LYN: variants seen among roughly 807,000 people sequenced by gnomAD.
The protein encoded by LYN is tyrosine-protein kinase Lyn.
A neutral mutation model predicts 65.0 loss-of-function variants in LYN; 12 were observed. The ratio of observed to expected loss-of-function variants is 0.18; its 90% CI spans 0.12 to 0.30. LYN has a LOEUF of 0.30. Ranked by LOEUF, LYN falls within the 10% of genes least tolerant of loss-of-function variation. The pLI, the probability that LYN is intolerant of heterozygous loss-of-function variation, is 1.00. For synonymous variants in LYN, 222 were observed against 221.2 expected (o/e 1.00, Z -0.03); for missense variants, 380 against 623.2 (o/e 0.61, Z 4.16).
In LYN at chr8:56,005,038, C is replaced by G. The variant is rs528212161; in HGVS notation, c.1337-4870C>G. Among the ~76,000 whole-genome samples the G allele has an allele frequency of 4.4e-4, 67 of 152,282 alleles. 1 individual carries two copies. Among genetic ancestry groups the G allele is most frequent in the South Asian group, 3.9e-3 (19 of 4,824 alleles). The stretch of plus-strand genomic sequence containing the variant: ...GGGTCAACTGATCCTCCCTCCTCAA[C>G]CTCCCAAAGTGCTGGAATTATAGGT... On this transcript the variant is annotated intron_variant, in intron 12 of 12. Coordinates refer to ENST00000519728, the MANE Select transcript of LYN (RefSeq NM_002350.4).
chr8:55,950,646 C>G lies in LYN; in HGVS notation c.384-35C>G, dbSNP rs1806915080. On this transcript the variant is annotated intron_variant, in intron 5 of 12. Transcript: ENST00000519728. ...TCTTCACCTTTTTCTTGCCGTGGAA[C>G]ATAATATGCAGGAAATGTTGAAATG... 2.5e-6 allele frequency: 4 copies of G among 1,578,226 alleles called. No homozygotes were observed. The East Asian group carries it at 8.9e-5, about 35-fold the overall frequency.
chr8:56,009,922 G>T lies in LYN; in HGVS notation c.1351G>T (p.Asp451Tyr). The change falls in exon 13 of 13, where the codon GAC becomes TAC. Residue 451 changes from aspartate to tyrosine, a missense_variant. Transcript: ENST00000519728. ...TTCCACCCTAGGGAGAACTAATGCC[G>T]ACGTGATGACCGCCCTGTCCCAGGG... Reference protein sequence around the residue: ...KIPYPGRTNADVMTALSQGYR... With the variant: ...KIPYPGRTNAYVMTALSQGYR... 2 of 1,613,870 alleles carry T rather than the reference G, an allele frequency of 1.2e-6. No individual in the cohort carries two copies. The highest frequency in any genetic ancestry group is 2.2e-5 in the South Asian group (2 of 91,038).
rs372547745 is a variant in LYN, at chr8:55,887,575, TACACACACAC to T, written c.-6+7492_-6+7501del. Among the ~76,000 whole-genome samples, 38 of 93,460 alleles carry T rather than the reference TACACACACAC, an allele frequency of 4.1e-4. 1 individual carries two copies. The highest frequency in any genetic ancestry group is 3.6e-3 in the South Asian group (10 of 2,776). 61.3% of individuals were successfully genotyped at this position (93,460 alleles called of 152,430 possible). ...AAATATAAATATATATATATATATA[TACACACACAC>T]ACACACACACACACACACATATATA... On this transcript the variant is annotated intron_variant, in intron 1 of 12. Coordinates refer to ENST00000519728, the MANE Select transcript of LYN (RefSeq NM_002350.4).
intron 10 of LYN, among the ~76,000 whole-genome samples, chr8:55,995,626 A>G (rs1212796612): frequency 3.3e-5 from 5 of 152,154 alleles, no homozygotes; most frequent in African/African-American, 1.2e-4. Context: ...TATGCCAGGC[A>G]TGGCTTCCGG....
In LYN at chr8:55,951,991, C is replaced by G; in HGVS notation, c.513C>G (p.Asp171Glu). 1.9e-6 allele frequency: 3 copies of G among 1,611,520 alleles called. No individual in the cohort carries two copies. The highest frequency in any genetic ancestry group is 1.7e-6 in the Non-Finnish European group (2 of 1,179,418). ...GAAGCTTCTCTCTGTCTGTCAGAGA[C>G]TTTGACCCTGTGCATGGTGATGTTA... The part of the protein sequence containing the change: ...LKGSFSLSVR[D>E]FDPVHGDVIK... Residue 171 changes from aspartate to glutamate, a missense_variant, in exon 7 of 13, where the codon GAC becomes GAG. Coordinates refer to ENST00000519728, the MANE Select transcript of LYN (RefSeq NM_002350.4).
chr8:55,913,788 T>C (rs1033375052), intron 1 of LYN, among the ~76,000 whole-genome samples: 1 of 152,098 alleles, frequency 6.6e-6, no homozygotes. Context: ...AAATGGCTGA[T>C]TTGAAACATG....
At chr8:55,999,639 T>A in intron 12 of LYN, 90 bp downstream of exon 12, 1 of 1,274,196 alleles carries the variant, frequency 7.8e-7, no homozygotes, top group Non-Finnish European at 1.1e-6. Context: ...AATTACTTCA[T>A]CTACCCGATA....
At chr8:55,946,604 A>G in intron 3 of LYN, 111 bp downstream of exon 3, 1 of 725,468 alleles carries the variant, frequency 1.4e-6, no homozygotes, top group South Asian at 1.7e-5. Context: ...CATATATAAC[A>G]TAAAAATTTA....
chr8:55,950,536 T>C lies in LYN; in HGVS notation c.362T>C (p.Leu121Pro). 1 of 1,613,762 alleles carries C rather than the reference T, an allele frequency of 6.2e-7. No homozygotes were observed. The highest frequency in any genetic ancestry group is 8.5e-7 in the Non-Finnish European group (1 of 1,179,880). Residue 121 changes from leucine to proline, a missense_variant, in exon 5 of 13, where the codon CTC (leucine) becomes CCC (proline). This residue lies in a region of LYN where 157 missense variants were observed against 193.2 expected (regional missense o/e 0.81). Transcript: ENST00000519728. ...GFIPSNYVAKLNTLETEEWFF... is the reference protein window; with the variant it reads ...GFIPSNYVAKPNTLETEEWFF... ...ATCCCCAGCAACTATGTGGCCAAAC[T>C]CAACACCTTAGAAACAGAAGAGTGA...
chr8:55,949,865 C>A (rs1304556511), intron 4 of LYN, among the ~76,000 whole-genome samples: 2 of 152,078 alleles, frequency 1.3e-5, no homozygotes, highest in South Asian at 2.1e-4. Flanking sequence ...CACCACAATC[C>A]ATTTTAGAAC....
chr8:55,937,912 G>T (rs1806483839), intron 1 of LYN, among the ~76,000 whole-genome samples: 1 of 152,100 alleles, frequency 6.6e-6, no homozygotes, highest in Non-Finnish European at 1.5e-5. Flanking sequence ...GGCCAGGCCA[G>T]TCTCGAACCC....
chr8:55,942,648 A>G (rs1806657479), intron 2 of LYN, among the ~76,000 whole-genome samples: 1 of 151,320 alleles, frequency 6.6e-6, no homozygotes, highest in Non-Finnish European at 1.5e-5. Flanking sequence ...AGCTGGGCAC[A>G]GTGGCGGGCG....
At chr8:55,917,262 TGCA>T (rs1449303312) in intron 1 of LYN, among the ~76,000 whole-genome samples, 1 of 151,828 alleles carries the variant, frequency 6.6e-6, no homozygotes, top group Non-Finnish European at 1.5e-5. Flanking sequence ...TGTAGGTCAC[TGCA>T]GCCTTGAACT....
At chr8:55,910,118 ATTTC>A (rs1278454849) in intron 1 of LYN, among the ~76,000 whole-genome samples, 3 of 150,892 alleles carry the variant, frequency 2.0e-5, no homozygotes, top group Non-Finnish European at 4.4e-5. Flanking sequence ...CCTGTTGAGT[ATTTC>A]TTTTGCTGTG....
intron 8 of LYN, among the ~76,000 whole-genome samples, chr8:55,958,185 C>G (rs1466861698): frequency 6.6e-6 from 1 of 152,132 alleles, no homozygotes; most frequent in Non-Finnish European, 1.5e-5. Context: ...GAACATTGGT[C>G]CTTTCTGGGA....
At chr8:55,988,891 A>C (rs914288259) in intron 10 of LYN, among the ~76,000 whole-genome samples, 3 of 151,824 alleles carry the variant, frequency 2.0e-5, no homozygotes, top group Admixed American at 6.6e-5. Flanking sequence ...AAAAAAAAAA[A>C]CCCAAAAAAC....
At chr8:55,938,945 C>T (rs926514915) in intron 1 of LYN, among the ~76,000 whole-genome samples, 2 of 152,030 alleles carry the variant, frequency 1.3e-5, no homozygotes, top group African/African-American at 2.4e-5. Context: ...GTCATCTGGC[C>T]GTATGGTTTC....
intron 10 of LYN, among the ~76,000 whole-genome samples, chr8:55,977,421 T>A (rs960103057): frequency 1.3e-5 from 2 of 152,236 alleles, no homozygotes; most frequent in East Asian, 3.8e-4. Flanking sequence ...GTTACCTCTG[T>A]TCTCCCCCAA....
At chr8:55,890,117 C>CAAAAAAAAAAAAAAAAAAAAAA (rs34706733) in intron 1 of LYN, among the ~76,000 whole-genome samples, 81 of 79,036 alleles carry the variant, frequency 1.0e-3, no homozygotes, top group East Asian at 2.1e-3. Context: ...CCTCTATAGA[C>CAAAAAAAAAAAAAAAAAAAAAA]AAAAAAAAAA....
Sources: allele counts gnomAD v4.1 joint callset (sites outside exome capture counted in the v4.1 genomes callset), GRCh38; gene constraint gnomAD v4.1.1; regional missense constraint gnomAD v4.1.1; transcripts MANE v1.5; gene names NCBI Gene and HGNC (gene_info 2026-07-23, HGNC 2026-07-21).